The following CRYBG1 variants were observed in gnomAD, a reference collection of about 807,000 sequenced individuals.
CRYBG1 encodes the protein beta/gamma crystallin domain-containing protein 1.
A neutral mutation model predicts 189.2 loss-of-function variants in CRYBG1; 139 were observed. The ratio of observed to expected loss-of-function variants is 0.73; its 90% CI spans 0.64 to 0.85. The LOEUF is 0.85. Ranked by LOEUF, CRYBG1 falls within the 40% of genes least tolerant of loss-of-function variation. The pLI is 0.00. For missense variants in CRYBG1, 2,611 were observed against 2,675.8 expected (o/e 0.98, Z 0.53); for synonymous variants, 1,023 against 1,017.1 (o/e 1.01, Z -0.11).
chr6:106,509,970 A>G (rs907867820), intron 2 of CRYBG1, among the ~76,000 whole-genome samples: 3 of 151,964 alleles, frequency 2.0e-5, no homozygotes, highest in African/African-American at 7.3e-5. Context: ...TGTTAATTTC[A>G]TGCGTTATCT....
At chr6:106,553,250 TTAAA>T (rs755610914) in intron 15 of CRYBG1, among the ~76,000 whole-genome samples, 115 of 152,346 alleles carry the variant, frequency 7.5e-4, no homozygotes, top group African/African-American at 2.2e-3. Flanking sequence ...TGTCTCTGAA[TTAAA>T]TAAATAGTCA....
intron 20 of CRYBG1, among the ~76,000 whole-genome samples, chr6:106,562,117 CA>C (rs1774736751): frequency 1.3e-5 from 2 of 151,156 alleles, no homozygotes; most frequent in African/African-American, 4.9e-5. Context: ...TTTAAAAAAA[CA>C]AAACAAAACA....
intron 2 of CRYBG1, among the ~76,000 whole-genome samples, chr6:106,488,468 C>T (rs1334111856): frequency 1.3e-5 from 2 of 152,188 alleles, no homozygotes; most frequent in African/African-American, 4.8e-5. Context: ...ACAACTCTCT[C>T]TGGTGAGGTG....
At chr6:106,418,553 G>A (rs1343564691) in intron 1 of CRYBG1, among the ~76,000 whole-genome samples, 1 of 152,154 alleles carries the variant, frequency 6.6e-6, no homozygotes, top group Non-Finnish European at 1.5e-5. Context: ...TATTGTTTTA[G>A]CCTGAACAAC....
At chr6:106,506,611 C>T (rs1004769962) in intron 2 of CRYBG1, among the ~76,000 whole-genome samples, 4 of 151,874 alleles carry the variant, frequency 2.6e-5, no homozygotes, top group African/African-American at 7.3e-5. Flanking sequence ...CACCACCATG[C>T]CCAGCTAATT....
At chr6:106,413,321 G>T (rs1266068603) in intron 1 of CRYBG1, among the ~76,000 whole-genome samples, 1 of 152,150 alleles carries the variant, frequency 6.6e-6, no homozygotes, top group Admixed American at 6.6e-5. Context: ...GTTCCCCAAA[G>T]AAAAATCACT....
At position 106,541,379 on chromosome 6, in the gene CRYBG1, A is replaced by T. The variant is rs574427190; in HGVS notation, c.4846-207A>T. On this transcript the variant is annotated intron_variant, in intron 9 of 21. Transcript: ENST00000633556. ...TCCTACAACGCAGATCAGCTTATAGACTGCTTGTGCGAGGCTCCGTTCTAG... is the reference window on the plus strand; with the variant it reads ...TCCTACAACGCAGATCAGCTTATAGTCTGCTTGTGCGAGGCTCCGTTCTAG... The T allele has an allele frequency of 3.2e-5, 22 of 678,168 alleles. No individual in the cohort carries two copies. In the African/African-American group the frequency reaches 3.9e-4, roughly 12 times the overall value. 42.0% of individuals were successfully genotyped at this position (678,168 alleles called of 1,614,324 possible).
intron 2 of CRYBG1, among the ~76,000 whole-genome samples, chr6:106,490,661 C>A (rs899297844): frequency 6.6e-6 from 1 of 152,168 alleles, no homozygotes; most frequent in African/African-American, 2.4e-5. Flanking sequence ...CTTTCCTTTG[C>A]ATTTAGCCCC....
rs1454582163 is a variant in CRYBG1 at position 106,512,401 on chromosome 6, C to A, written c.1284C>A (p.Thr428=). ...SGRRRGSQKS[T]DSPGADAELP... is the part of the protein sequence containing the mutation. Reference sequence around the variant, plus strand: ...GGCGGAGGGGGTCGCAGAAATCCACCGACTCCCCCGGCGCGGACGCCGAGC... The same window carrying A: ...GGCGGAGGGGGTCGCAGAAATCCACAGACTCCCCCGGCGCGGACGCCGAGC... The change falls in exon 3 of 22, where the codon ACC becomes ACA. Residue 428 remains threonine, a synonymous_variant. Transcript: ENST00000633556. 2 of 1,608,782 alleles carry A rather than the reference C, an allele frequency of 1.2e-6. No homozygotes were observed. Among genetic ancestry groups the A allele is most frequent in the South Asian group, 2.2e-5 (2 of 90,316 alleles).
intron 2 of CRYBG1, among the ~76,000 whole-genome samples, chr6:106,496,469 T>A (rs1044878233): frequency 6.6e-6 from 1 of 152,162 alleles, no homozygotes; most frequent in African/African-American, 2.4e-5. Context: ...GTAACAGAAT[T>A]AATACCTCGT....
chr6:106,388,081 T>C (rs1234106291), intron 1 of CRYBG1, among the ~76,000 whole-genome samples: 1 of 152,228 alleles, frequency 6.6e-6, no homozygotes, highest in African/African-American at 2.4e-5. Context: ...CCTTTGACTC[T>C]GAGCAGATCC....
In CRYBG1 at chr6:106,438,196, G is replaced by A. The variant is rs149541277; in HGVS notation, c.174-13498G>A. 9.8e-5 allele frequency among the ~76,000 whole-genome samples: 15 copies of A among 152,298 alleles called. No individual in the cohort carries two copies. In the East Asian group the frequency reaches 1.5e-3, roughly 16 times the overall value. ...TTTAAAAACTACTCTGAAGGCCAGC[G>A]TCCCTAAAAAGATCTCTTCCTCTGA... On this transcript the variant is annotated intron_variant, in intron 1 of 21. Coordinates refer to ENST00000633556, the MANE Select transcript of CRYBG1 (RefSeq NM_001371242.2).
At position 106,371,672 on chromosome 6, in the gene CRYBG1, T is replaced by C. The variant is rs576840225; in HGVS notation, c.173+10591T>C. Among the ~76,000 whole-genome samples the C allele has an allele frequency of 5.3e-5, 8 of 152,370 alleles. No homozygotes were observed. In the South Asian group the frequency reaches 1.7e-3, roughly 32 times the overall value. ...TTTGAAACAAGAGCACTTGTATTCC[T>C]GTGTATCAGTATACATGTTTAAACA... On this transcript the variant is annotated intron_variant, in intron 1 of 21. Transcript: ENST00000633556.
At chr6:106,377,648 T>TATATATATATATATATATATATA (rs56394821) in intron 1 of CRYBG1, among the ~76,000 whole-genome samples, 15 of 146,694 alleles carry the variant, frequency 1.0e-4, no homozygotes, top group African/African-American at 2.8e-4. Flanking sequence ...TATATATATA[T>TATATATATATATATATATATATA]TTTCATTTGC....
chr6:106,376,784 T>C (rs1770172115), intron 1 of CRYBG1, among the ~76,000 whole-genome samples: 1 of 152,198 alleles, frequency 6.6e-6, no homozygotes, highest in African/African-American at 2.4e-5. Context: ...ATCGGTTCTC[T>C]GCTGAGAACC....
At chr6:106,397,007 G>A (rs369616282) in intron 1 of CRYBG1, among the ~76,000 whole-genome samples, 123 of 152,254 alleles carry the variant, frequency 8.1e-4, no homozygotes, top group East Asian at 4.3e-3. Flanking sequence ...GATTGATTAC[G>A]TCATGGTATG....
rs148435845 is a variant in CRYBG1 at position 106,439,385 on chromosome 6, T to A, written c.174-12309T>A. On this transcript the variant is annotated intron_variant, in intron 1 of 21. Coordinates refer to ENST00000633556, the MANE Select transcript of CRYBG1 (RefSeq NM_001371242.2). ...AAATAAGTTTGTTTCCTTTTTGAAT[T>A]ATTGTTAATATTCTTTAAAATTTGG... is the stretch of plus-strand genomic sequence containing the variant. Among the ~76,000 whole-genome samples the A allele has an allele frequency of 7.6e-3, 1,163 of 152,320 alleles. 16 individuals carry two copies. The highest frequency in any genetic ancestry group is 0.026 in the African/African-American group (1,099 of 41,580).
chr6:106,393,192 C>G (rs1329056729), intron 1 of CRYBG1, among the ~76,000 whole-genome samples: 1 of 152,176 alleles, frequency 6.6e-6, no homozygotes, highest in Non-Finnish European at 1.5e-5. Context: ...ATTGGGCTAG[C>G]TCATCAGAGT....
At chr6:106,379,300 T>C (rs563400328) in intron 1 of CRYBG1, among the ~76,000 whole-genome samples, 6 of 152,068 alleles carry the variant, frequency 3.9e-5, no homozygotes, top group South Asian at 4.2e-4. Flanking sequence ...CTCTCTCTGT[T>C]GCCCAGGCTG....
Sources: allele counts gnomAD v4.1 joint callset (sites outside exome capture counted in the v4.1 genomes callset), GRCh38; gene constraint gnomAD v4.1.1; transcripts MANE v1.5; gene names NCBI Gene and HGNC (gene_info 2026-07-23, HGNC 2026-07-21).